Variants in KRT9 observed in about 807,000 individuals in gnomAD.
KRT9 encodes the protein keratin, type I cytoskeletal 9.
Under a neutral mutation model 51.4 loss-of-function variants are expected in KRT9, and 34 were observed. The observed-to-expected ratio is 0.66, with a 90% CI of 0.50 to 0.88. The LOEUF (loss-of-function observed/expected upper bound fraction) is 0.88, where lower values mean the gene tolerates loss of function less well. Ranked by LOEUF, KRT9 falls within the 40% of genes least tolerant of loss-of-function variation. The probability of loss-of-function intolerance (pLI) is 0.00; values close to 1 mark genes in which losing one functional copy is unlikely to be tolerated. For synonymous variants in KRT9, 292 were observed against 289.7 expected (o/e 1.01, Z -0.08); for missense variants, 753 against 790.3 (o/e 0.95, Z 0.57).
At chr17:41,568,136 G>A in intron 6 of KRT9, 26 bp downstream of exon 6, 2 of 1,593,776 alleles carry the variant, frequency 1.3e-6, no homozygotes, top group Non-Finnish European at 1.7e-6. Flanking sequence ...ACCCCCAGGG[G>A]TTCCACCAAA....
intron 1 of KRT9, among the ~76,000 whole-genome samples, chr17:41,570,977 C>T (rs1282912703): frequency 6.6e-6 from 1 of 152,132 alleles, no homozygotes; most frequent in Non-Finnish European, 1.5e-5. Flanking sequence ...GTCCAAAATA[C>T]CTTAAAAGAT....
intron 1 of KRT9, among the ~76,000 whole-genome samples, chr17:41,570,800 C>G (rs571864489): frequency 6.6e-6 from 1 of 152,126 alleles, no homozygotes; most frequent in African/African-American, 2.4e-5. Context: ...CCAGAGCAAC[C>G]CTGAGGGTAG....
Position 41,570,223 on chromosome 17 carries a change from G to GA in KRT9, c.643-4dup, listed in dbSNP as rs553337101. The GA allele has an allele frequency of 3.1e-4, 486 of 1,588,716 alleles. No homozygotes were observed. Among genetic ancestry groups the GA allele is most frequent in the Non-Finnish European group, 3.8e-4 (438 of 1,161,172 alleles). ...TTGCCCACTGTCAGGTCCACAATCTGAAAAAAAAAGGACACAGCCATGATA... is the reference window on the plus strand; with the variant it reads ...TTGCCCACTGTCAGGTCCACAATCTGAAAAAAAAAAGGACACAGCCATGATA... On this transcript the variant is annotated splice_region_variant and splice_polypyrimidine_tract_variant and intron_variant, in intron 1 of 7. Coordinates refer to ENST00000246662, the MANE Select transcript of KRT9 (RefSeq NM_000226.4).
chr17:41,571,947 C>A lies in KRT9; in HGVS notation c.46G>T (p.Gly16Trp), dbSNP rs780699884. The change falls in exon 1 of 8, where the codon GGG becomes TGG. Residue 16 changes from glycine to tryptophan, a missense_variant. By Grantham distance (184) the Gly-to-Trp change is radical. Around this residue, in one of 3 missense-constraint regions of KRT9, gnomAD observed 241 missense variants for 210.3 expected, o/e 1.15. Coordinates refer to ENST00000246662, the MANE Select transcript of KRT9 (RefSeq NM_000226.4). ...FSSSYLSRSG[G>W]GGGGGLGSGG... is the part of the protein sequence containing the mutation. Reference sequence around the variant, plus strand: ...CTGCCCAGGCCGCCCCCGCCACCCCCGCCGCTGCGGCTCAAGTAGGACGAG... The same window carrying A: ...CTGCCCAGGCCGCCCCCGCCACCCCAGCCGCTGCGGCTCAAGTAGGACGAG... The A allele has an allele frequency of 6.3e-6, 10 of 1,581,790 alleles. No individual in the cohort carries two copies. The highest frequency in any genetic ancestry group is 8.6e-6 in the Non-Finnish European group (10 of 1,164,542).
rs755175478 is a variant in KRT9, at chr17:41,567,782, T to C, written c.1395-32A>G. ...AAGAAAGAAAACAAGAGAGTTAAAA[T>C]GAGCGGCCCCCATACACATATATGA... is the stretch of plus-strand genomic sequence containing the variant. On this transcript the variant is annotated intron_variant, in intron 6 of 7. Transcript: ENST00000246662. The C allele has an allele frequency of 5.0e-6, 8 of 1,613,674 alleles. No individual in the cohort carries two copies. The South Asian group carries it at 8.8e-5, about 18-fold the overall frequency.
chr17:41,570,458 T>C (rs974294727), intron 1 of KRT9, among the ~76,000 whole-genome samples: 2 of 152,188 alleles, frequency 1.3e-5, no homozygotes, highest in African/African-American at 4.8e-5. Context: ...AAGGGCATTG[T>C]AGGATTTAGA....
intron 6 of KRT9, 69 bp from the exon 7 acceptor site, chr17:41,567,819 G>A: frequency 6.2e-7 from 1 of 1,605,702 alleles, no homozygotes; most frequent in Non-Finnish European, 8.5e-7. Flanking sequence ...GATGGACCTG[G>A]ACAGAGTCAG....
chr17:41,568,687 T>C (rs1213176113), intron 4 of KRT9, 54 bp from the exon 5 acceptor site: 6 of 1,611,762 alleles, frequency 3.7e-6, no homozygotes, highest in Non-Finnish European at 5.1e-6. Flanking sequence ...CTTCAGTGAG[T>C]GAGATTCTGC....
In KRT9 at chr17:41,570,025, A is replaced by C. The variant is rs762701511; in HGVS notation, c.726-10T>G. ...TTGCTCCATCTCAAACCTGCAGACC[A>C]GCCAGGGTTAGAAAACAATCAAGAG... On this transcript the variant is annotated splice_polypyrimidine_tract_variant and intron_variant, in intron 2 of 7. Coordinates refer to ENST00000246662, the MANE Select transcript of KRT9 (RefSeq NM_000226.4). 6 of 1,614,166 alleles carry C rather than the reference A, an allele frequency of 3.7e-6. No homozygotes were observed. Among genetic ancestry groups the C allele is most frequent in the Middle Eastern group, 1.6e-4 (1 of 6,062 alleles).
intron 7 of KRT9, among the ~76,000 whole-genome samples, chr17:41,566,537 G>A (rs1906882129): frequency 6.6e-6 from 1 of 152,204 alleles, no homozygotes. Context: ...ACACCCTGCA[G>A]GGCAGCTCCC....
Position 41,571,683 on chromosome 17 carries a change from C to T in KRT9, c.310G>A (p.Gly104Ser), listed in dbSNP as rs868735223. Reference sequence around the variant, plus strand: ...CCAAAACCCCCAGAACTACTATAGCCTCCTCCAGAAGCACCACCAAAACCT... The same window carrying T: ...CCAAAACCCCCAGAACTACTATAGCTTCCTCCAGAAGCACCACCAAAACCT... ...SRGFGGASGG[G>S]YSSSGGFGGG... The change falls in exon 1 of 8, where the codon GGC becomes AGC. Residue 104 changes from glycine to serine, a missense_variant. Physicochemically the swap from Gly to Ser is moderately conservative, Grantham distance 56 (BLOSUM62 0). This residue lies in a region of KRT9 where 241 missense variants were observed against 210.3 expected (regional missense o/e 1.15). Transcript: ENST00000246662. The T allele has an allele frequency of 6.8e-6, 11 of 1,605,860 alleles. No individual in the cohort carries two copies. Among genetic ancestry groups the T allele is most frequent in the Non-Finnish European group, 9.4e-6 (11 of 1,176,292 alleles).
In KRT9 at chr17:41,570,236, C is replaced by T. The variant is rs754505786; in HGVS notation, c.643-16G>A. On this transcript the variant is annotated splice_polypyrimidine_tract_variant and intron_variant, in intron 1 of 7. Transcript: ENST00000246662. Reference sequence around the variant, plus strand: ...GGTCCACAATCTGAAAAAAAAAGGACACAGCCATGATATCATGCTGTGGAC... The same window carrying T: ...GGTCCACAATCTGAAAAAAAAAGGATACAGCCATGATATCATGCTGTGGAC... 10 of 1,606,824 alleles carry T rather than the reference C, an allele frequency of 6.2e-6. No homozygotes were observed. The Admixed American group carries it at 8.3e-5, about 13-fold the overall frequency.
chr17:41,568,629 G>C lies in KRT9; in HGVS notation c.1049C>G (p.Thr350Ser). The change falls in exon 5 of 8, where the codon ACC becomes AGC. Residue 350 changes from threonine (T) to serine (S), a missense_variant. By Grantham distance (58) the Thr-to-Ser change is moderately conservative. Around this residue, in one of 3 missense-constraint regions of KRT9, gnomAD observed 507 missense variants for 563.7 expected, o/e 0.90. Transcript: ENST00000246662. Reference sequence around the variant, plus strand: ...ACTGGATACCTCATGCTCGATCTGGGTTATCTGCAAAACCAAAGGCTCAGT... The same window carrying C: ...ACTGGATACCTCATGCTCGATCTGGCTTATCTGCAAAACCAAAGGCTCAGT... ...DIENQYETQI[T>S]QIEHEVSSSG... 1 of 1,614,116 alleles carries C rather than the reference G, an allele frequency of 6.2e-7. No individual in the cohort carries two copies. Among genetic ancestry groups the C allele is most frequent in the South Asian group, 1.1e-5 (1 of 91,068 alleles).
At position 41,568,187 on chromosome 17, in the gene KRT9, G is replaced by A; in HGVS notation, c.1369C>T (p.Leu457Phe). 6.2e-7 allele frequency: 1 copy of A among 1,614,006 alleles called. No homozygotes were observed. Among genetic ancestry groups the A allele is most frequent in the East Asian group, 2.2e-5 (1 of 44,884 alleles). ...LEKEIETYHN[L>F]LEGGQEDFES... ...AAGTCTTCCTGGCCTCCCTCAAGGA[G>A]GTTGTGGTAGGTCTCGATTTCCTTC... Residue 457 changes from leucine (L) to phenylalanine (F), a missense_variant, in exon 6 of 8, where the codon CTC becomes TTC. By Grantham distance (22) the Leu-to-Phe change is conservative. This residue lies in a region of KRT9 where 507 missense variants were observed against 563.7 expected (regional missense o/e 0.90). Transcript: ENST00000246662.
At position 41,568,595 on chromosome 17, in the gene KRT9, C is replaced by G; in HGVS notation, c.1083G>C (p.Gln361His). 1 of 1,614,158 alleles carries G rather than the reference C, an allele frequency of 6.2e-7. No homozygotes were observed. The highest frequency in any genetic ancestry group is 2.2e-5 in the East Asian group (1 of 44,880). ...CCTCCTTGGCACTGGACTGCACCTC[C>G]TGACCACTACTGGATACCTCATGCT... ...QIEHEVSSSG[Q>H]EVQSSAKEVT... is the part of the protein sequence containing the mutation. Residue 361 changes from glutamine to histidine, a missense_variant, in exon 5 of 8, where the codon CAG becomes CAC. Gln to His is a conservative substitution (Grantham distance 24). This residue lies in a region of KRT9 where 507 missense variants were observed against 563.7 expected (regional missense o/e 0.90). Transcript: ENST00000246662.
Position 41,571,564 on chromosome 17 carries a change from T to G in KRT9, c.429A>C (p.Gly143=), listed in dbSNP as rs8075921. ...TAGCAGTCAGAATACCACCATCACC[T>G]CCTCCAGCACCACCTCCAAAGCCCC... is the stretch of plus-strand genomic sequence containing the variant. ...GFGGFGGGAG[G]GDGGILTANE... Residue 143 remains glycine (G), a synonymous_variant, in exon 1 of 8, where the codon GGA becomes GGC. Transcript: ENST00000246662. The G allele has an allele frequency of 0.58, 927,471 of 1,611,044 alleles. 274,331 individuals carry two copies. The highest frequency in any genetic ancestry group is 0.96 in the East Asian group (42,824 of 44,792).
chr17:41,568,095 G>A (rs1309017371), intron 6 of KRT9, 67 bp downstream of exon 6: 2 of 1,360,188 alleles, frequency 1.5e-6, no homozygotes, highest in East Asian at 2.3e-5. Flanking sequence ...CCTCTATCCA[G>A]AGGGACAGAA....
At chr17:41,569,633 C>A (rs889960058) in intron 3 of KRT9, 46 bp from the exon 4 acceptor site, 2 of 1,607,912 alleles carry the variant, frequency 1.2e-6, no homozygotes, top group Non-Finnish European at 1.7e-6. Flanking sequence ...AAGTCCTCTG[C>A]ACCACCTTTC....
chr17:41,568,161 C>A lies in KRT9; in HGVS notation c.1394+1G>T. On this transcript the variant is annotated splice_donor_variant, in intron 6 of 7. Coordinates refer to ENST00000246662, the MANE Select transcript of KRT9 (RefSeq NM_000226.4). LOFTEE classifies it high-confidence loss of function. ...GTTCCACCAAATCCTGGGGGACCTA[C>A]AAGTCTTCCTGGCCTCCCTCAAGGA... 1 of 1,613,226 alleles carries A rather than the reference C, an allele frequency of 6.2e-7. No homozygotes were observed. Among genetic ancestry groups the A allele is most frequent in the East Asian group, 2.2e-5 (1 of 44,878 alleles).
Sources: allele counts gnomAD v4.1 joint callset (sites outside exome capture counted in the v4.1 genomes callset), GRCh38; gene constraint gnomAD v4.1.1; regional missense constraint gnomAD v4.1.1; transcripts MANE v1.5; gene names NCBI Gene and HGNC (gene_info 2026-07-23, HGNC 2026-07-21).